The following PKIB variants were observed in gnomAD, a reference collection of about 807,000 sequenced individuals.
PKIB encodes cAMP-dependent protein kinase inhibitor beta, also known as PKI-beta.
PKIB carries 2 observed loss-of-function variants against 4.5 expected under a neutral mutation model. The observed-to-expected ratio is 0.44, with a 90% CI of 0.18 to 1.39. The LOEUF (loss-of-function observed/expected upper bound fraction) is 1.39, where lower values mean the gene tolerates loss of function less well. Among genes scored for constraint, PKIB ranks in the 40% most tolerant of loss-of-function variants. The probability of loss-of-function intolerance (pLI) is 0.27; values close to 1 mark genes in which losing one functional copy is unlikely to be tolerated. For missense variants in PKIB, 94 were observed against 92.6 expected, an observed-to-expected ratio of 1.02 and a Z score of -0.06; for synonymous variants, 38 against 36.0, an observed-to-expected ratio of 1.06 and a Z score of -0.20.
At chr6:122,501,174 T>C (rs761932462) in intron 2 of PKIB, among the ~76,000 whole-genome samples, 12 of 152,192 alleles carry the variant, frequency 7.9e-5, no homozygotes, top group Non-Finnish European at 1.8e-4. Context: ...TCTTAACTCA[T>C]TCCAACATTA....
At chr6:122,635,555 A>T (rs1775885854) in intron 2 of PKIB, among the ~76,000 whole-genome samples, 1 of 151,500 alleles carries the variant, frequency 6.6e-6, no homozygotes, top group Non-Finnish European at 1.5e-5. Flanking sequence ...AGTAAAAAAA[A>T]AAAAAAACTA....
At chr6:122,575,956 G>A (rs1327013566) in intron 2 of PKIB, among the ~76,000 whole-genome samples, 1 of 152,082 alleles carries the variant, frequency 6.6e-6, no homozygotes, top group African/African-American at 2.4e-5. Flanking sequence ...AATCTCAAAA[G>A]CATTACTGTA....
intron 3 of PKIB, among the ~76,000 whole-genome samples, chr6:122,701,996 C>A (rs1028049955): frequency 6.6e-6 from 1 of 152,092 alleles, no homozygotes; most frequent in African/African-American, 2.4e-5. Flanking sequence ...CAGAATAAGA[C>A]TTGGATTTCT....
chr6:122,519,729 T>A (rs963031998), intron 2 of PKIB, among the ~76,000 whole-genome samples: 1 of 152,240 alleles, frequency 6.6e-6, no homozygotes, highest in Non-Finnish European at 1.5e-5. Flanking sequence ...TTGTTTTATG[T>A]TTTCCTGAAT....
chr6:122,637,766 A>C (rs1355567003), intron 2 of PKIB, among the ~76,000 whole-genome samples: 1 of 151,690 alleles, frequency 6.6e-6, no homozygotes, highest in Non-Finnish European at 1.5e-5. Context: ...AAAAAAAAAA[A>C]AATCATAATA....
At chr6:122,691,010 A>G (rs1415897668) in intron 3 of PKIB, among the ~76,000 whole-genome samples, 1 of 143,450 alleles carries the variant, frequency 7.0e-6, no homozygotes, top group East Asian at 2.0e-4. Context: ...ATGGCATGCC[A>G]CTCTCTCCCG....
intron 2 of PKIB, among the ~76,000 whole-genome samples, chr6:122,540,440 C>T (rs944848105): frequency 6.6e-6 from 1 of 151,828 alleles, no homozygotes; most frequent in Non-Finnish European, 1.5e-5. Context: ...CATTAGGTAC[C>T]CAGTAGTCAT....
upstream of PKIB, chr6:122,610,208 A>C (rs1774689142): frequency 6.6e-6 from 1 of 152,294 alleles, no homozygotes; most frequent in African/African-American, 2.4e-5. Flanking sequence ...GTAGGATAAA[A>C]GAGCTCGCCC....
At chr6:122,663,640 T>G (rs1300535369) in intron 2 of PKIB, among the ~76,000 whole-genome samples, 1 of 152,150 alleles carries the variant, frequency 6.6e-6, no homozygotes, top group East Asian at 1.9e-4. Context: ...CCCTCCTATT[T>G]CTTCACAGGA....
At chr6:122,507,078 A>G (rs1347872135) in intron 2 of PKIB, among the ~76,000 whole-genome samples, 4 of 152,108 alleles carry the variant, frequency 2.6e-5, no homozygotes, top group African/African-American at 9.7e-5. Flanking sequence ...GGGGGTTTAA[A>G]TTGTTTTAAT....
At chr6:122,664,095 C>T (rs1777123136) in intron 2 of PKIB, among the ~76,000 whole-genome samples, 1 of 152,184 alleles carries the variant, frequency 6.6e-6, no homozygotes, top group South Asian at 2.1e-4. Flanking sequence ...TATGATATGA[C>T]AACAGTAATA....
chr6:122,620,050 G>T (rs971861233), intron 1 of PKIB, among the ~76,000 whole-genome samples: 1 of 151,986 alleles, frequency 6.6e-6, no homozygotes, highest in African/African-American at 2.4e-5. Context: ...GTAGTAGAGG[G>T]GGGCACATTC....
At chr6:122,578,194 C>T (rs529558659) in intron 2 of PKIB, among the ~76,000 whole-genome samples, 96 of 151,974 alleles carry the variant, frequency 6.3e-4, no homozygotes, top group Non-Finnish European at 1.0e-3. Context: ...GGCTGGGAAC[C>T]ATGGCTAAAA....
chr6:122,691,645 T>G (rs1582816281), intron 3 of PKIB, among the ~76,000 whole-genome samples: 1 of 152,280 alleles, frequency 6.6e-6, no homozygotes, highest in Middle Eastern at 3.4e-3. Flanking sequence ...TAATTTGAAT[T>G]CTCTGTCTGA....
At chr6:122,718,930 C>T (rs1034659487) in intron 4 of PKIB, among the ~76,000 whole-genome samples, 3 of 151,726 alleles carry the variant, frequency 2.0e-5, no homozygotes, top group Admixed American at 6.6e-5. Flanking sequence ...TTCTCATATG[C>T]AACACTATAG....
At chr6:122,550,081 A>G (rs1257281873) in intron 2 of PKIB, among the ~76,000 whole-genome samples, 1 of 151,314 alleles carries the variant, frequency 6.6e-6, no homozygotes, top group Non-Finnish European at 1.5e-5. Flanking sequence ...TGCCCGGCTA[A>G]TTTCTGTATT....
intron 2 of PKIB, among the ~76,000 whole-genome samples, chr6:122,577,207 G>C (rs929985114): frequency 6.6e-5 from 10 of 152,110 alleles, no homozygotes; most frequent in African/African-American, 2.4e-4. Flanking sequence ...AGTATCATAC[G>C]CAGATTTCAA....
At chr6:122,544,605 T>C (rs1436977347) in intron 2 of PKIB, among the ~76,000 whole-genome samples, 3 of 152,042 alleles carry the variant, frequency 2.0e-5, no homozygotes, top group East Asian at 1.9e-4. Flanking sequence ...GTGTGCATGC[T>C]AGAACTTGGG....
intron 2 of PKIB, among the ~76,000 whole-genome samples, chr6:122,576,506 A>C (rs1372896472): frequency 1.3e-5 from 2 of 150,978 alleles, no homozygotes; most frequent in East Asian, 3.9e-4. Flanking sequence ...GTTTCTACTA[A>C]AAATTCAAAA....
Sources: gnomAD v4.1 joint callset for allele counts (sites outside exome capture counted in the v4.1 genomes callset) on GRCh38, gnomAD v4.1.1 for gene constraint, MANE v1.5 for transcripts, NCBI Gene and HGNC (gene_info 2026-07-23, HGNC 2026-07-21) for gene names.